Variants in SMARCA1 observed in about 807,000 individuals in gnomAD.
SMARCA1 encodes SNF2 related chromatin remodeling ATPase 1, also known as SWI/SNF-related matrix-associated actin-dependent regulator of chromatin subfamily A member 1.
In SMARCA1, 17 loss-of-function variants were observed where a neutral mutation model predicts 93.6. That is an observed-to-expected ratio of 0.18 (90% CI 0.12 to 0.27). SMARCA1 has a LOEUF of 0.27. Ranked by LOEUF, SMARCA1 falls within the 10% of genes least tolerant of loss-of-function variation. The pLI, the probability that SMARCA1 is intolerant of heterozygous loss-of-function variation, is 1.00. For missense variants in SMARCA1, 630 were observed against 819.0 expected, an observed-to-expected ratio of 0.77 and a Z score of 2.82; for synonymous variants, 271 against 271.4, an observed-to-expected ratio of 1.00 and a Z score of 0.01.
intron 23 of SMARCA1, among the ~76,000 whole-genome samples, chrX:129,463,409 C>G (rs1274814760): frequency 3.6e-5 from 4 of 111,727 alleles, no homozygotes; most frequent in African/African-American, 9.8e-5. Flanking sequence ...AAATAGAATT[C>G]CACTTTCAAA....
chrX:129,472,752 T>C (rs1019179329), intron 19 of SMARCA1, among the ~76,000 whole-genome samples: 2 of 112,121 alleles, frequency 1.8e-5, no homozygotes, highest in Admixed American at 1.9e-4. Flanking sequence ...TTTTGGAATA[T>C]TTGCATTATA....
intron 23 of SMARCA1, among the ~76,000 whole-genome samples, chrX:129,451,533 T>C (rs954982231): frequency 4.5e-5 from 5 of 111,194 alleles, no homozygotes; most frequent in Non-Finnish European, 7.5e-5. Context: ...TGAGTATAAA[T>C]GGACTGTGTA....
chrX:129,485,048 C>T (rs1277376354), intron 17 of SMARCA1, among the ~76,000 whole-genome samples: 2 of 112,390 alleles, frequency 1.8e-5, no homozygotes, highest in African/African-American at 3.2e-5. Flanking sequence ...ACACAAAGTC[C>T]CCAACAAGGG....
chrX:129,501,577 T>G (rs1463725045), intron 9 of SMARCA1, among the ~76,000 whole-genome samples: 2 of 109,275 alleles, frequency 1.8e-5, no homozygotes, highest in Admixed American at 9.8e-5. Flanking sequence ...ATTACAGGCG[T>G]GAGCCACTGC....
Position 129,481,079 on chromosome X carries a change from G to T in SMARCA1, c.2324C>A (p.Pro775Gln), listed in dbSNP as rs186125032. The change falls in exon 18 of 25, where the codon CCA (proline) becomes CAA (glutamine). Residue 775 changes from proline (P) to glutamine (Q), a missense_variant. Physicochemically the swap from Pro to Gln is moderately conservative, Grantham distance 76. This residue lies in a region of SMARCA1 where 382 missense variants were observed against 537.9 expected (regional missense o/e 0.71). Transcript: ENST00000371121. ...EALRVSEPKI[P>Q]KAPRPPKQPN... ...ACTGGCCTTGTACAGTTTTACCTTT[G>T]GAATCTTTGGCTCGCTGACACGCAA... The T allele has an allele frequency of 2.0e-4, 235 of 1,177,363 alleles. 4 individuals carry two copies. In the East Asian group the frequency reaches 3.6e-3, roughly 18 times the overall value.
intron 21 of SMARCA1, among the ~76,000 whole-genome samples, chrX:129,468,013 C>T (rs1010524063): frequency 8.9e-6 from 1 of 112,661 alleles, no homozygotes; most frequent in Non-Finnish European, 1.9e-5. Context: ...GACATATTTA[C>T]CTATTTTTAA....
chrX:129,511,654 C>T (rs976022672), intron 6 of SMARCA1, 150 bp downstream of exon 6: 4 of 370,551 alleles, frequency 1.1e-5, no homozygotes, highest in Non-Finnish European at 1.9e-5. Flanking sequence ...AGATGCAAAG[C>T]ACTTAAAACA....
chrX:129,496,772 T>C lies in SMARCA1; in HGVS notation c.1604A>G (p.Gln535Arg), dbSNP rs199943685. The change falls in exon 12 of 25, where the codon CAA becomes CGA. Residue 535 changes from glutamine (Q) to arginine (R), a missense_variant. Gln to Arg is a conservative substitution (Grantham distance 43). This residue lies in a region of SMARCA1 where 382 missense variants were observed against 537.9 expected (regional missense o/e 0.71). Transcript: ENST00000371121. ...CACCTCTCTTTCTTCATGCGGGGTT[T>C]GTCCATCCAGTCGACAATACTCATA... ...RGYEYCRLDGQTPHEEREDKF... is the reference protein window; with the variant it reads ...RGYEYCRLDGRTPHEEREDKF... 8.3e-7 allele frequency: 1 copy of C among 1,204,828 alleles called. No individual in the cohort carries two copies. Among genetic ancestry groups the C allele is most frequent in the Non-Finnish European group, 1.1e-6 (1 of 892,064 alleles).
intron 16 of SMARCA1, among the ~76,000 whole-genome samples, chrX:129,487,800 A>G (rs1380425687): frequency 2.7e-5 from 3 of 112,599 alleles, no homozygotes; most frequent in Non-Finnish European, 5.6e-5. Flanking sequence ...AAATGAAAAG[A>G]AAACTTTTTA....
intron 23 of SMARCA1, among the ~76,000 whole-genome samples, chrX:129,461,856 C>T (rs1289190518): frequency 9.0e-6 from 1 of 111,721 alleles, no homozygotes. Context: ...CACACAAATT[C>T]TCAGAGAAAG....
Position 129,471,226 on chromosome X carries a change from T to G in SMARCA1, c.2543A>C (p.Glu848Ala). ...TACTTGTGTGAGAAGTTTTTCCTTT[T>G]CTTCAGTCTCTTCTGGTGTAAGAGG... ...AEPLTPEETEEKEKLLTQGFT... is the reference protein window; with the variant it reads ...AEPLTPEETEAKEKLLTQGFT... Residue 848 changes from glutamate (E) to alanine (A), a missense_variant, in exon 20 of 25, where the codon GAA becomes GCA. This residue lies in a region of SMARCA1 where 52 missense variants were observed against 38.3 expected (regional missense o/e 1.36). Coordinates refer to ENST00000371121, the MANE Select transcript of SMARCA1 (RefSeq NM_001282874.2). 8.4e-7 allele frequency: 1 copy of G among 1,194,410 alleles called. No homozygotes were observed. The highest frequency in any genetic ancestry group is 1.1e-6 in the Non-Finnish European group (1 of 885,605).
chrX:129,479,309 CAATT>C (rs1043124050), intron 19 of SMARCA1, among the ~76,000 whole-genome samples: 1 of 110,967 alleles, frequency 9.0e-6, no homozygotes, highest in Non-Finnish European at 1.9e-5. Flanking sequence ...CATTATTAAA[CAATT>C]AATAATTATT....
intron 6 of SMARCA1, among the ~76,000 whole-genome samples, chrX:129,508,838 A>C (rs1243535503): frequency 8.9e-6 from 1 of 112,526 alleles, no homozygotes; most frequent in Non-Finnish European, 1.9e-5. Context: ...AGTCAAAATA[A>C]AACCACAAAA....
At chrX:129,465,459 T>C (rs1349497089) in intron 23 of SMARCA1, 61 bp downstream of exon 23, 3 of 728,775 alleles carry the variant, frequency 4.1e-6, no homozygotes, top group African/African-American at 2.1e-5. Context: ...GAAGGATATA[T>C]GGCATCTGAA....
chrX:129,495,611 C>A (rs2089979502), intron 12 of SMARCA1, among the ~76,000 whole-genome samples: 1 of 110,870 alleles, frequency 9.0e-6, no homozygotes, highest in African/African-American at 3.3e-5. Flanking sequence ...TAGCCTCAAG[C>A]AATCCTCCTG....
intron 23 of SMARCA1, among the ~76,000 whole-genome samples, chrX:129,451,953 T>C (rs911592459): frequency 8.9e-6 from 1 of 111,909 alleles, no homozygotes; most frequent in Non-Finnish European, 1.9e-5. Flanking sequence ...TCCACCCACC[T>C]TGGCCTCCCA....
Position 129,512,027 on chromosome X carries a change from T to C in SMARCA1, c.631-44A>G, listed in dbSNP as rs199837232. 7.0e-5 allele frequency: 71 copies of C among 1,018,236 alleles called. No individual in the cohort carries two copies. The African/African-American group carries it at 1.3e-3, about 19-fold the overall frequency. The allele number at this position is 1,018,236 out of a possible 1,213,427, so 83.9% of individuals were successfully genotyped here. On this transcript the variant is annotated intron_variant, in intron 5 of 24. Transcript: ENST00000371121. ...GAAAAAAATCCATGAACATTTTTTCTGTAAGGAAACATTTTGTTAGGAACA... is the reference window on the plus strand; with the variant it reads ...GAAAAAAATCCATGAACATTTTTTCCGTAAGGAAACATTTTGTTAGGAACA...
chrX:129,518,891 G>C (rs1935292753), intron 1 of SMARCA1, among the ~76,000 whole-genome samples: 1 of 108,755 alleles, frequency 9.2e-6, no homozygotes, highest in Non-Finnish European at 1.9e-5. Context: ...CACACTTTCA[G>C]AAAAAAAAAC....
intron 3 of SMARCA1, among the ~76,000 whole-genome samples, 155 bp downstream of exon 3, chrX:129,516,176 G>A (rs1165959765): frequency 8.9e-6 from 1 of 111,860 alleles, no homozygotes; most frequent in East Asian, 2.8e-4. Context: ...AAATATAGTT[G>A]TCTTCAAAAC....
Sources: allele counts gnomAD v4.1 joint callset (sites outside exome capture counted in the v4.1 genomes callset), GRCh38; gene constraint gnomAD v4.1.1; regional missense constraint gnomAD v4.1.1; transcripts MANE v1.5; gene names NCBI Gene and HGNC (gene_info 2026-07-23, HGNC 2026-07-21).